ESR1: variants seen among roughly 807,000 people sequenced by gnomAD.
ESR1 encodes estrogen receptor.
A neutral mutation model predicts 52.7 loss-of-function variants in ESR1; 12 were observed. The ratio of observed to expected loss-of-function variants is 0.23; its 90% confidence interval spans 0.15 to 0.37. ESR1 has a LOEUF of 0.37. Among genes scored for constraint, ESR1 ranks in the 10% least tolerant of loss-of-function variants. The pLI is 1.00. For synonymous variants in ESR1, 305 were observed against 316.8 expected, an observed-to-expected ratio of 0.96 and a Z score of 0.39; for missense variants, 584 against 779.7, an observed-to-expected ratio of 0.75 and a Z score of 2.99.
At position 151,699,778 on chromosome 6, in the gene ESR1, G is replaced by A. The variant is rs116862879; in HGVS notation, c.-201-2097G>A. The stretch of plus-strand genomic sequence containing the variant: ...GGTAGATTATATAATGGAATCCTGA[G>A]TTCTGAGAGATCAAAGGAAAATGCT... On this transcript the variant is annotated intron_variant, in intron 1 of 2. Transcript: ENST00000404742. 6.1e-3 allele frequency among the ~76,000 whole-genome samples: 922 copies of A among 152,284 alleles called. 2 individuals are homozygous for A. The highest frequency in any genetic ancestry group is 0.011 in the Non-Finnish European group (716 of 68,012).
Position 151,808,481 on chromosome 6 carries a change from A to T in ESR1, c.452+117A>T. 11 of 940,332 alleles carry T rather than the reference A, an allele frequency of 1.2e-5. No individual in the cohort carries two copies. The East Asian group carries it at 1.7e-4, about 15-fold the overall frequency. The allele number at this position is 940,332 out of a possible 1,614,324, so 58.2% of individuals were successfully genotyped here. On this transcript the variant is annotated intron_variant, in intron 1 of 7. Transcript: ENST00000206249. ...CGGGAGCCGCGGGACGCGCGACCCG[A>T]GGGTGCGCGCAGGGAGCCCGGGGCG... is the stretch of plus-strand genomic sequence containing the variant.
intron 1 of ESR1, among the ~76,000 whole-genome samples, chr6:151,679,954 C>A (rs2115291342): frequency 6.6e-6 from 1 of 152,314 alleles, no homozygotes; most frequent in African/African-American, 2.4e-5. Flanking sequence ...TACCCTTGTA[C>A]TCCCCATCTC....
intron 2 of ESR1, among the ~76,000 whole-genome samples, chr6:151,796,189 A>G (rs1466815159): frequency 2.6e-5 from 4 of 151,914 alleles, no homozygotes; most frequent in Non-Finnish European, 5.9e-5. Context: ...AGAAAACAGA[A>G]CAAAACAAAA....
chr6:151,665,680 T>C (rs1777798201), intron 1 of ESR1, among the ~76,000 whole-genome samples: 1 of 152,182 alleles, frequency 6.6e-6, no homozygotes, highest in Non-Finnish European at 1.5e-5. Flanking sequence ...AGGTTTCAAA[T>C]ACTTCAAAAA....
intron 6 of ESR1, among the ~76,000 whole-genome samples, chr6:152,112,386 G>A (rs1227041885): frequency 4.6e-5 from 7 of 152,068 alleles, no homozygotes; most frequent in African/African-American, 7.2e-5. Flanking sequence ...AAGTGTCCCC[G>A]ACTAGTGAGT....
intron 4 of ESR1, among the ~76,000 whole-genome samples, chr6:151,953,466 T>C (rs2036547273): frequency 6.6e-6 from 1 of 152,064 alleles, no homozygotes; most frequent in Non-Finnish European, 1.5e-5. Context: ...CTCATGCCTG[T>C]AATCCCAATA....
At chr6:152,033,347 T>A (rs901541797) in intron 5 of ESR1, among the ~76,000 whole-genome samples, 1 of 151,982 alleles carries the variant, frequency 6.6e-6, no homozygotes, top group Non-Finnish European at 1.5e-5. Flanking sequence ...ACCATCAGAG[T>A]GAACAGGCAA....
At chr6:152,122,901 G>A (rs536614114) in intron 6 of ESR1, among the ~76,000 whole-genome samples, 7 of 152,280 alleles carry the variant, frequency 4.6e-5, no homozygotes, top group African/African-American at 1.4e-4. Flanking sequence ...TCAACTAAAC[G>A]TAAGTAATTA....
intron 6 of ESR1, among the ~76,000 whole-genome samples, chr6:152,079,254 G>A (rs1391977725): frequency 6.6e-6 from 1 of 152,166 alleles, no homozygotes; most frequent in Non-Finnish European, 1.5e-5. Flanking sequence ...ACTTCAAACA[G>A]GCAGGTGCCC....
intron 3 of ESR1, among the ~76,000 whole-genome samples, chr6:151,930,899 A>G (rs1215578387): frequency 6.6e-6 from 1 of 152,098 alleles, no homozygotes; most frequent in Non-Finnish European, 1.5e-5. Flanking sequence ...GCTGTATTTC[A>G]TCCTGTTCTC....
At chr6:151,679,423 C>CA (rs1162708755) in intron 1 of ESR1, among the ~76,000 whole-genome samples, 2 of 152,166 alleles carry the variant, frequency 1.3e-5, no homozygotes, top group Admixed American at 6.5e-5. Flanking sequence ...AATCTCGGCT[C>CA]ACCGCAACCT....
intron 1 of ESR1, among the ~76,000 whole-genome samples, chr6:151,833,550 G>C (rs944431206): frequency 6.6e-6 from 1 of 152,036 alleles, no homozygotes; most frequent in African/African-American, 2.4e-5. Flanking sequence ...TGGGAGGATT[G>C]GCAGAGGACT....
At chr6:152,079,205 G>A (rs2048992740) in intron 6 of ESR1, among the ~76,000 whole-genome samples, 2 of 152,184 alleles carry the variant, frequency 1.3e-5, no homozygotes, top group South Asian at 2.1e-4. Context: ...CCCCCATGTA[G>A]CCTGACTGGG....
intron 1 of ESR1, among the ~76,000 whole-genome samples, chr6:151,838,045 GCTGGAATGCAGTGGTGCAAT>G (rs1313347291): frequency 4.0e-5 from 6 of 151,868 alleles, no homozygotes; most frequent in Admixed American, 3.9e-4. Flanking sequence ...TGTCTCCCAG[GCTGGAATGCAGTGGTGCAAT>G]CATAGCTCAC....
chr6:151,709,187 G>C (rs1780397275), intron 2 of ESR1, among the ~76,000 whole-genome samples: 1 of 151,870 alleles, frequency 6.6e-6, no homozygotes, highest in Non-Finnish European at 1.5e-5. Context: ...CTATGTCTAT[G>C]AGATCAACCT....
chr6:151,810,320 A>G (rs1027547228), intron 1 of ESR1, among the ~76,000 whole-genome samples: 1 of 152,184 alleles, frequency 6.6e-6, no homozygotes, highest in Admixed American at 6.5e-5. Flanking sequence ...CTCTGTGTGG[A>G]AATTCAGTTT....
At chr6:151,910,241 A>G (rs1798065454) in intron 3 of ESR1, among the ~76,000 whole-genome samples, 1 of 152,030 alleles carries the variant, frequency 6.6e-6, no homozygotes, top group Admixed American at 6.6e-5. Flanking sequence ...TTTTAATTCA[A>G]TTTAAATTAA....
intron 2 of ESR1, among the ~76,000 whole-genome samples, chr6:151,752,428 C>A (rs527589750): frequency 1.3e-5 from 2 of 149,738 alleles, no homozygotes; most frequent in Non-Finnish European, 3.0e-5. Flanking sequence ...CAGTTTACTT[C>A]CTAATTTTGA....
At chr6:151,679,860 T>C (rs565490544) in intron 1 of ESR1, among the ~76,000 whole-genome samples, 71 of 152,332 alleles carry the variant, frequency 4.7e-4, no homozygotes, top group African/African-American at 1.6e-3. Context: ...GTTAGCTACT[T>C]GTTTCCTCTG....
Sources: allele counts gnomAD v4.1 joint callset (sites outside exome capture counted in the v4.1 genomes callset), GRCh38; gene constraint gnomAD v4.1.1; transcripts MANE v1.5; gene names NCBI Gene and HGNC (gene_info 2026-07-23, HGNC 2026-07-21).